R3HDM4: variants seen among roughly 807,000 people sequenced by gnomAD.
R3HDM4 encodes R3H domain-containing protein 4.
Under a neutral mutation model 31.3 loss-of-function variants are expected in R3HDM4, and 30 were observed. The observed-to-expected ratio is 0.96, with a 90% CI of 0.72 to 1.30. R3HDM4 has a LOEUF of 1.30. Ranked by LOEUF, R3HDM4 falls within the 50% of genes most tolerant of loss-of-function variation. R3HDM4 has a pLI of 0.00. For synonymous variants in R3HDM4, 196 were observed against 156.6 expected, an observed-to-expected ratio of 1.25 and a Z score of -1.88; for missense variants, 444 against 366.1, an observed-to-expected ratio of 1.21 and a Z score of -1.74.
chr19:899,495 G>A lies in R3HDM4; in HGVS notation c.648C>T (p.Ser216=). The A allele has an allele frequency of 1.2e-6, 2 of 1,613,716 alleles. No homozygotes were observed. Among genetic ancestry groups the A allele is most frequent in the Non-Finnish European group, 1.7e-6 (2 of 1,179,942 alleles). ...CAGCGTGCAGCAGAAGCCTCTCGAA[G>A]CTGTGGGGAACGGGCAGTGAGCGCC... The part of the protein sequence containing the change: ...QAVYTAMLDN[S]FERLLLHAVC... Residue 216 remains serine, a splice_region_variant and synonymous_variant, in exon 7 of 8, where the codon AGC becomes AGT. Transcript: ENST00000361574. The surrounding 1 kb of genome is among the most constrained non-coding windows in gnomAD (Gnocchi z 6.8).
Position 913,010 on chromosome 19 carries a change from G to T in R3HDM4, c.71+77C>A. Reference sequence around the variant, plus strand: ...GGAGGGAAGGGAAAGGAGGGGAGGGGAGGCGGGGAGAGGATCTCAGGGGAG... The same window carrying T: ...GGAGGGAAGGGAAAGGAGGGGAGGGTAGGCGGGGAGAGGATCTCAGGGGAG... On this transcript the variant is annotated intron_variant, in intron 1 of 7. Coordinates refer to ENST00000361574, the MANE Select transcript of R3HDM4 (RefSeq NM_138774.4). This position sits in a 1 kb window ranked among gnomAD's most constrained non-coding sequence, Gnocchi z 5.0. The T allele has an allele frequency of 2.1e-6, 1 of 476,090 alleles. No homozygotes were observed. The highest frequency in any genetic ancestry group is 2.8e-6 in the Non-Finnish European group (1 of 359,296). 29.5% of individuals were successfully genotyped at this position (476,090 alleles called of 1,614,324 possible). A position where few individuals can be genotyped will look rare whatever the true frequency, so the allele number is the denominator to read the frequency against.
chr19:897,031 T>C lies in R3HDM4; in HGVS notation c.*406A>G, dbSNP rs1043782182. The C allele has an allele frequency of 6.1e-6, 1 of 163,922 alleles. No homozygotes were observed. The allele number at this position is 163,922 out of a possible 1,614,324, so 10.2% of individuals were successfully genotyped here. A position where few individuals can be genotyped will look rare whatever the true frequency, so the allele number is the denominator to read the frequency against. ...CCCATGTTTTACCAGTGGGGCGAGT[T>C]TTTTTGGTTTTTCTCTCCAAAAGGG... On this transcript the variant is annotated 3_prime_UTR_variant, in exon 8 of 8. Coordinates refer to ENST00000361574, the MANE Select transcript of R3HDM4 (RefSeq NM_138774.4).
At chr19:903,474 G>A (rs921083818) in intron 1 of R3HDM4, among the ~76,000 whole-genome samples, 20 of 151,986 alleles carry the variant, frequency 1.3e-4, no homozygotes, top group African/African-American at 2.4e-4. Context: ...AGCGCGCACC[G>A]CAGCCACCGG....
chr19:901,230 G>A, intron 3 of R3HDM4, 192 bp downstream of exon 3: 2 of 690,078 alleles, frequency 2.9e-6, no homozygotes, highest in South Asian at 3.9e-5. Context: ...GAATCCAGGA[G>A]CTCGAAGGTT....
chr19:908,607 C>CA (rs375358718), intron 1 of R3HDM4, among the ~76,000 whole-genome samples: 2 of 151,258 alleles, frequency 1.3e-5, no homozygotes, highest in South Asian at 2.1e-4. Flanking sequence ...GAGACTGTCT[C>CA]AAAAAAAATA....
Position 900,884 on chromosome 19 carries a change from C to G in R3HDM4, c.420G>C (p.Glu140Asp). 1 of 1,589,762 alleles carries G rather than the reference C, an allele frequency of 6.3e-7. No homozygotes were observed. The highest frequency in any genetic ancestry group is 8.5e-7 in the Non-Finnish European group (1 of 1,170,096). Residue 140 changes from glutamate to aspartate, a missense_variant, in exon 4 of 8, where the codon GAG (glutamate) becomes GAC (aspartate). Coordinates refer to ENST00000361574, the MANE Select transcript of R3HDM4 (RefSeq NM_138774.4). ...QERVLRYLEDEGRSKARRRGP... is the reference protein window; with the variant it reads ...QERVLRYLEDDGRSKARRRGP... ...CCCTCCTCCGCGCCTTGCTCCTGCC[C>G]TCATCCTCCAGGTAGCGAAGAACCC...
Position 907,777 on chromosome 19 carries a change from A to G in R3HDM4, c.71+5310T>C, listed in dbSNP as rs557744807. 5.9e-5 allele frequency among the ~76,000 whole-genome samples: 9 copies of G among 152,042 alleles called. No homozygotes were observed. Among genetic ancestry groups the G allele is most frequent in the Non-Finnish European group, 1.2e-4 (8 of 67,964 alleles). ...CTCCCCCTTGGCCTAGCACTGCAAC[A>G]CGAGGGCTTTCGCCTGTTTTGTTTG... is the stretch of plus-strand genomic sequence containing the variant. On this transcript the variant is annotated intron_variant, in intron 1 of 7. Transcript: ENST00000361574. The surrounding 1 kb of genome is among the most constrained non-coding windows in gnomAD (Gnocchi z 4.1).
At chr19:901,050 C>A in intron 3 of R3HDM4, 98 bp from the exon 4 acceptor site, 1 of 1,408,686 alleles carries the variant, frequency 7.1e-7, no homozygotes, top group Non-Finnish European at 9.5e-7. Context: ...AGCACGTGGA[C>A]GCGCTCCTGC....
rs951636097 is a variant in R3HDM4 at position 907,291 on chromosome 19, C to A, written c.72-5161G>T. ...TAAGCCAGCGTCTCTGAAGCTGGAT[C>A]AGCCTGAAGCTGCCTCCCTGAGGCC... On this transcript the variant is annotated intron_variant, in intron 1 of 7. Transcript: ENST00000361574. The surrounding 1 kb of genome is among the most constrained non-coding windows in gnomAD (Gnocchi z 4.1). Among the ~76,000 whole-genome samples the A allele has an allele frequency of 4.2e-4, 64 of 152,288 alleles. No homozygotes were observed. The highest frequency in any genetic ancestry group is 1.5e-3 in the African/African-American group (61 of 41,562).
intron 1 of R3HDM4, among the ~76,000 whole-genome samples, chr19:911,917 G>A (rs999394577): frequency 5.3e-5 from 8 of 151,728 alleles, no homozygotes; most frequent in Non-Finnish European, 1.0e-4. Flanking sequence ...GCGCGGACAA[G>A]CCCAGAGGGC....
intron 2 of R3HDM4, 159 bp downstream of exon 2, chr19:901,817 G>T (rs1353698818): frequency 4.3e-6 from 4 of 938,650 alleles, no homozygotes; most frequent in Non-Finnish European, 6.5e-6. Flanking sequence ...CCTGTGTCTG[G>T]CTCTATTTAT....
rs773341441 is a variant in R3HDM4 at position 899,458 on chromosome 19, T to G, written c.685A>C (p.Met229Leu). The G allele has an allele frequency of 2.5e-6, 4 of 1,613,672 alleles. No homozygotes were observed. The highest frequency in any genetic ancestry group is 2.2e-5 in the South Asian group (2 of 91,086). The change falls in exon 7 of 8, where the codon ATG (methionine) becomes CTG (leucine). Residue 229 changes from methionine to leucine, a missense_variant. Coordinates refer to ENST00000361574, the MANE Select transcript of R3HDM4 (RefSeq NM_138774.4). The surrounding 1 kb of genome is among the most constrained non-coding windows in gnomAD (Gnocchi z 6.8). ...CACTTACTGGCCGAGATGAGGTCCA[T>G]GTACTGGCAGACAGCGTGCAGCAGA... is the stretch of plus-strand genomic sequence containing the variant. ...RLLLHAVCQY[M>L]DLISASADLE...
rs2037001981 is a variant in R3HDM4, at chr19:913,057, G to T, written c.71+30C>A. ...GGAGGGAGCCCAGCCCGCCCCCGGC[G>T]CCCGCCGCGCCCCGCCCGCCCGCGC... is the stretch of plus-strand genomic sequence containing the variant. On this transcript the variant is annotated intron_variant, in intron 1 of 7. Coordinates refer to ENST00000361574, the MANE Select transcript of R3HDM4 (RefSeq NM_138774.4). This position sits in a 1 kb window ranked among gnomAD's most constrained non-coding sequence, Gnocchi z 5.0. The T allele has an allele frequency of 2.3e-6, 2 of 875,388 alleles. No individual in the cohort carries two copies. Among genetic ancestry groups the T allele is most frequent in the Non-Finnish European group, 2.8e-6 (2 of 717,764 alleles). The allele number at this position is 875,388 out of a possible 1,614,324, so 54.2% of individuals were successfully genotyped here.
At chr19:912,911 C>A (rs1187587693) in intron 1 of R3HDM4, among the ~76,000 whole-genome samples, 176 bp downstream of exon 1, 2 of 149,558 alleles carry the variant, frequency 1.3e-5, no homozygotes, top group Non-Finnish European at 3.0e-5. Flanking sequence ...CCACAGCGGG[C>A]GAGAAGGGAA....
chr19:906,193 T>G (rs2145297617), intron 1 of R3HDM4, among the ~76,000 whole-genome samples: 1 of 150,374 alleles, frequency 6.7e-6, no homozygotes, highest in South Asian at 2.1e-4. Context: ...CCTGGCTAAT[T>G]TTTTATTTAT....
intron 1 of R3HDM4, among the ~76,000 whole-genome samples, chr19:903,334 T>C (rs943833795): frequency 6.7e-6 from 1 of 148,454 alleles, no homozygotes; most frequent in East Asian, 2.0e-4. Flanking sequence ...CCGGAGCAAA[T>C]GGCATTAATT....
chr19:909,621 C>A (rs1309013988), intron 1 of R3HDM4, among the ~76,000 whole-genome samples: 1 of 151,592 alleles, frequency 6.6e-6, no homozygotes, highest in East Asian at 2.0e-4. Context: ...CATAGTGAAA[C>A]CCCGTCTCTA....
At chr19:912,826 C>T (rs2036996470) in intron 1 of R3HDM4, among the ~76,000 whole-genome samples, 1 of 151,572 alleles carries the variant, frequency 6.6e-6, no homozygotes, top group Non-Finnish European at 1.5e-5. Flanking sequence ...GGTCCCCTCC[C>T]CCAGCGAGCC....
chr19:898,954 G>A (rs936097089), intron 7 of R3HDM4, among the ~76,000 whole-genome samples: 2 of 152,176 alleles, frequency 1.3e-5, no homozygotes, highest in African/African-American at 4.8e-5. Context: ...TGGGGCCGGC[G>A]GCGCCTGCAC....
Sources: gnomAD v4.1 joint callset for allele counts (sites outside exome capture counted in the v4.1 genomes callset) on GRCh38, gnomAD v4.1.1 for gene constraint, Gnocchi (gnomAD v3.1) non-coding constraint, MANE v1.5 for transcripts, NCBI Gene and HGNC (gene_info 2026-07-23, HGNC 2026-07-21) for gene names.